EEFSEC: variants seen among roughly 807,000 people sequenced by gnomAD.
EEFSEC encodes the protein selenocysteine-specific elongation factor.
EEFSEC carries 43 observed loss-of-function variants against 42.1 expected under a neutral mutation model. The observed-to-expected ratio is 1.02, with a 90% CI of 0.80 to 1.32. The LOEUF is 1.32. EEFSEC is among the 40% of genes most tolerant of loss of function. The pLI is 0.00. For missense variants in EEFSEC, 745 were observed against 803.6 expected (o/e 0.93, Z 0.88); for synonymous variants, 354 against 339.1 (o/e 1.04, Z -0.48).
At chr3:128,250,102 CTGT>C (rs956569401) in intron 2 of EEFSEC, among the ~76,000 whole-genome samples, 6 of 151,724 alleles carry the variant, frequency 4.0e-5, no homozygotes, top group African/African-American at 9.7e-5. Flanking sequence ...GGGTTGTTTT[CTGT>C]TGTTGTTGTT....
intron 1 of EEFSEC, among the ~76,000 whole-genome samples, chr3:128,203,013 C>G (rs1423863656): frequency 6.6e-6 from 1 of 152,046 alleles, no homozygotes; most frequent in Non-Finnish European, 1.5e-5. Context: ...TAAACATTAC[C>G]TCAGCCTCAC....
At chr3:128,310,730 T>G (rs527287256) in intron 4 of EEFSEC, among the ~76,000 whole-genome samples, 2 of 152,272 alleles carry the variant, frequency 1.3e-5, no homozygotes, top group Non-Finnish European at 2.9e-5. Context: ...TATTTTCCTT[T>G]TCACTTGAAA....
At position 128,341,837 on chromosome 3, in the gene EEFSEC, T is replaced by G; in HGVS notation, c.1391T>G (p.Leu464Arg). ...GACAGGAACTACGCCGACAGCTTCC[T>G]GCCCAGGCTGAAGGTGTACAAGCTG... ...LEDRNYADSF[L>R]PRLKVYKLKH... The change falls in exon 5 of 7, where the codon CTG becomes CGG. Residue 464 changes from leucine (L) to arginine (R), a missense_variant. Leu to Arg is a moderately radical substitution (Grantham distance 102, BLOSUM62 -2). Transcript: ENST00000254730. The G allele has an allele frequency of 6.2e-7, 1 of 1,613,972 alleles. No homozygotes were observed. The highest frequency in any genetic ancestry group is 8.5e-7 in the Non-Finnish European group (1 of 1,180,046).
chr3:128,331,998 C>T (rs1022536315), intron 4 of EEFSEC, among the ~76,000 whole-genome samples: 1 of 151,848 alleles, frequency 6.6e-6, no homozygotes, highest in African/African-American at 2.4e-5. Context: ...AAATGGCCAC[C>T]GTGAAATCAT....
intron 4 of EEFSEC, among the ~76,000 whole-genome samples, chr3:128,338,418 C>T (rs1041513895): frequency 3.9e-5 from 6 of 152,050 alleles, no homozygotes; most frequent in Admixed American, 2.6e-4. Flanking sequence ...TTAAATCTGT[C>T]GGCACACAGA....
intron 1 of EEFSEC, among the ~76,000 whole-genome samples, chr3:128,227,264 G>C (rs1213286447): frequency 6.6e-6 from 1 of 152,170 alleles, no homozygotes; most frequent in African/African-American, 2.4e-5. Flanking sequence ...TTTTCATGAA[G>C]GAATTCTGCT....
intron 6 of EEFSEC, among the ~76,000 whole-genome samples, chr3:128,374,199 G>C (rs1005793359): frequency 6.6e-6 from 1 of 152,250 alleles, no homozygotes; most frequent in Admixed American, 6.5e-5. Flanking sequence ...GTCATCGACT[G>C]TGTGGCTCTT....
chr3:128,406,634 A>T (rs1293150918), intron 6 of EEFSEC, among the ~76,000 whole-genome samples: 1 of 152,064 alleles, frequency 6.6e-6, no homozygotes, highest in African/African-American at 2.4e-5. Flanking sequence ...AACATGGCAA[A>T]ACCCCATCTC....
At chr3:128,416,355 T>C in the EEFSEC span, among the ~76,000 whole-genome samples, 2 of 152,058 alleles carry the variant, frequency 1.3e-5, no homozygotes, top group African/African-American at 4.8e-5. Context: ...ACAGCGGCCC[T>C]GCCCAGCTCC....
At chr3:128,240,700 A>G (rs865851617) in intron 1 of EEFSEC, among the ~76,000 whole-genome samples, 2 of 152,242 alleles carry the variant, frequency 1.3e-5, no homozygotes, top group African/African-American at 2.4e-5. Context: ...TCTCTGCAGA[A>G]TGGGCTGCAA....
chr3:128,361,304 A>G (rs2067522893), intron 6 of EEFSEC, among the ~76,000 whole-genome samples: 1 of 152,186 alleles, frequency 6.6e-6, no homozygotes, highest in Admixed American at 6.5e-5. Context: ...GGTGGGGACT[A>G]TGGTGACCTG....
chr3:128,172,728 T>C (rs945519192), intron 1 of EEFSEC, among the ~76,000 whole-genome samples: 1 of 152,222 alleles, frequency 6.6e-6, no homozygotes, highest in African/African-American at 2.4e-5. Flanking sequence ...AAACCAGTTC[T>C]TTCTGGATTA....
intron 4 of EEFSEC, among the ~76,000 whole-genome samples, chr3:128,280,648 C>T (rs1485074572): frequency 6.6e-6 from 1 of 152,234 alleles, no homozygotes; most frequent in African/African-American, 2.4e-5. Flanking sequence ...TTGGCATTTG[C>T]CCTCCACATG....
intron 1 of EEFSEC, among the ~76,000 whole-genome samples, chr3:128,197,739 C>A (rs748676807): frequency 6.6e-6 from 1 of 152,142 alleles, no homozygotes; most frequent in Non-Finnish European, 1.5e-5. Context: ...TAGCAACAAT[C>A]TGATTCTCAC....
chr3:128,195,293 A>G (rs2065572901), intron 1 of EEFSEC, among the ~76,000 whole-genome samples: 1 of 152,202 alleles, frequency 6.6e-6, no homozygotes. Context: ...GATAATCAAA[A>G]CACAGCTGAC....
intron 5 of EEFSEC, among the ~76,000 whole-genome samples, chr3:128,345,039 A>T (rs1022794990): frequency 6.6e-6 from 1 of 152,136 alleles, no homozygotes; most frequent in African/African-American, 2.4e-5. Flanking sequence ...CATCCGACAG[A>T]CTGGTCCAAT....
At chr3:128,277,146 C>A (rs1429768411) in intron 4 of EEFSEC, among the ~76,000 whole-genome samples, 1 of 152,226 alleles carries the variant, frequency 6.6e-6, no homozygotes, top group Non-Finnish European at 1.5e-5. Context: ...CACTCTGGGG[C>A]TCTGCTGGGA....
chr3:128,162,572 A>G (rs569045503), intron 1 of EEFSEC, among the ~76,000 whole-genome samples: 2 of 152,208 alleles, frequency 1.3e-5, no homozygotes, highest in African/African-American at 2.4e-5. Context: ...CTTGGGTGAC[A>G]GTGTGGGAGT....
chr3:128,405,663 G>A (rs539268158), intron 6 of EEFSEC, among the ~76,000 whole-genome samples: 30 of 152,366 alleles, frequency 2.0e-4, no homozygotes, highest in Admixed American at 1.5e-3. Flanking sequence ...CTTGATGTGC[G>A]AGCCTTATAG....
Sources: allele counts gnomAD v4.1 joint callset (sites outside exome capture counted in the v4.1 genomes callset), GRCh38; gene constraint gnomAD v4.1.1; transcripts MANE v1.5; gene names NCBI Gene and HGNC (gene_info 2026-07-23, HGNC 2026-07-21).